SYT14: variants seen among roughly 807,000 people sequenced by gnomAD.
The protein encoded by SYT14 is synaptotagmin 14, also known as synaptotagmin-14.
SYT14 carries 32 observed loss-of-function variants against 74.2 expected under a neutral mutation model. The observed-to-expected ratio is 0.43, with a 90% CI of 0.33 to 0.58. The LOEUF (loss-of-function observed/expected upper bound fraction) is 0.58, where lower values mean the gene tolerates loss of function less well. SYT14 is among the 20% of genes least tolerant of loss of function. The pLI is 0.05. For missense variants in SYT14, 791 were observed against 981.8 expected (o/e 0.81, Z 2.60); for synonymous variants, 298 against 337.7 (o/e 0.88, Z 1.29).
intron 8 of SYT14, among the ~76,000 whole-genome samples, chr1:210,158,500 T>A (rs2083311748): frequency 6.6e-6 from 1 of 152,180 alleles, no homozygotes; most frequent in Admixed American, 6.6e-5. Flanking sequence ...AAAAATAGAA[T>A]GAAATGATAT....
Position 209,952,776 on chromosome 1 carries a change from G to A in SYT14, c.-486+20G>A, listed in dbSNP as rs1317822646. Reference sequence around the variant, plus strand: ...GAAAAGGTAAGTCATTGCTCTGCATGGCTATTTACATACTAAATGAATACT... The same window carrying A: ...GAAAAGGTAAGTCATTGCTCTGCATAGCTATTTACATACTAAATGAATACT... On this transcript the variant is annotated intron_variant, in intron 2 of 9. Coordinates refer to ENST00000637265, the Ensembl canonical transcript of SYT14. 1 of 1,595,352 alleles carries A rather than the reference G, an allele frequency of 6.3e-7. No homozygotes were observed. Among genetic ancestry groups the A allele is most frequent in the South Asian group, 1.1e-5 (1 of 90,664 alleles).
chr1:210,131,770 A>T (rs1454033631), intron 7 of SYT14, among the ~76,000 whole-genome samples: 1 of 152,116 alleles, frequency 6.6e-6, no homozygotes, highest in Non-Finnish European at 1.5e-5. Flanking sequence ...GTCTCTTTGA[A>T]TGTAGCCAGT....
intron 4 of SYT14, 119 bp from the exon 4 acceptor site, chr1:210,020,920 C>G (rs1049476062): frequency 6.4e-6 from 5 of 781,310 alleles, no homozygotes; most frequent in Admixed American, 2.2e-5. Flanking sequence ...TATATAACTT[C>G]AGCAAATTTT....
intron 5 of SYT14, among the ~76,000 whole-genome samples, chr1:210,059,239 T>G (rs2081155360): frequency 6.6e-6 from 1 of 151,868 alleles, no homozygotes; most frequent in Non-Finnish European, 1.5e-5. Flanking sequence ...AGAAATTCAC[T>G]ATCATACAAT....
At chr1:209,985,972 C>T (rs1455636261) in intron 2 of SYT14, among the ~76,000 whole-genome samples, 3 of 152,188 alleles carry the variant, frequency 2.0e-5, no homozygotes, top group African/African-American at 7.2e-5. Context: ...GCCCACAAAA[C>T]CATTCAGTTC....
chr1:209,944,817 T>G (rs1417880066), intron 1 of SYT14, among the ~76,000 whole-genome samples: 1 of 152,132 alleles, frequency 6.6e-6, no homozygotes, highest in African/African-American at 2.4e-5. Context: ...TATGAGAAAG[T>G]TAAACATTTA....
intron 2 of SYT14, among the ~76,000 whole-genome samples, chr1:209,986,667 T>C (rs1450891714): frequency 6.6e-6 from 1 of 152,136 alleles, no homozygotes; most frequent in East Asian, 1.9e-4. Flanking sequence ...TCTTTTTTTC[T>C]TTTTTGAGAC....
intron 5 of SYT14, among the ~76,000 whole-genome samples, chr1:210,022,485 T>G (rs1022048543): frequency 5.3e-5 from 8 of 152,220 alleles, no homozygotes; most frequent in African/African-American, 1.9e-4. Flanking sequence ...AGTCCCCAAG[T>G]TATGTACACC....
At chr1:210,121,917 T>TGATACATATCA (rs2082475394) in intron 7 of SYT14, among the ~76,000 whole-genome samples, 1 of 152,168 alleles carries the variant, frequency 6.6e-6, no homozygotes. Flanking sequence ...CATATTACAT[T>TGATACATATCA]GATACATATC....
At chr1:209,983,659 C>T (rs1470129169) in intron 2 of SYT14, among the ~76,000 whole-genome samples, 1 of 152,122 alleles carries the variant, frequency 6.6e-6, no homozygotes, top group Non-Finnish European at 1.5e-5. Flanking sequence ...ATTAATCTTA[C>T]TTAAGAAAGT....
At chr1:209,943,274 C>T (rs1014881306) in intron 1 of SYT14, among the ~76,000 whole-genome samples, 12 of 151,794 alleles carry the variant, frequency 7.9e-5, no homozygotes, top group African/African-American at 1.2e-4. Flanking sequence ...TAGGCCGAGG[C>T]GGGCAGATCA....
intron 7 of SYT14, among the ~76,000 whole-genome samples, chr1:210,135,220 G>A (rs2082759455): frequency 6.6e-6 from 1 of 152,088 alleles, no homozygotes; most frequent in African/African-American, 2.4e-5. Context: ...GGCCTCAAGT[G>A]ATCCACTGGC....
At chr1:209,996,009 G>T (rs1431740429) in intron 2 of SYT14, among the ~76,000 whole-genome samples, 1 of 152,026 alleles carries the variant, frequency 6.6e-6, no homozygotes, top group African/African-American at 2.4e-5. Context: ...AGCCCTAAAT[G>T]CCTTCATCAA....
At chr1:210,126,656 G>C (rs576557598) in intron 7 of SYT14, among the ~76,000 whole-genome samples, 2 of 152,152 alleles carry the variant, frequency 1.3e-5, no homozygotes, top group Non-Finnish European at 2.9e-5. Flanking sequence ...AAAATACAAC[G>C]TAAAGTAGAT....
intron 1 of SYT14, among the ~76,000 whole-genome samples, chr1:209,942,419 C>T (rs2078750498): frequency 1.5e-5 from 2 of 134,830 alleles, no homozygotes; most frequent in South Asian, 4.9e-4. Flanking sequence ...TTTAAGTAAC[C>T]AGGAATCTGA....
intron 2 of SYT14, among the ~76,000 whole-genome samples, chr1:209,973,733 G>C (rs1226251350): frequency 6.6e-6 from 1 of 152,120 alleles, no homozygotes; most frequent in Non-Finnish European, 1.5e-5. Flanking sequence ...CCCAGTAATG[G>C]GATGGCTGGG....
At position 210,149,180 on chromosome 1, in the gene SYT14, A is replaced by ATT. The variant is rs34134939; in HGVS notation, c.2035-6520_2035-6519dup. 7.2e-3 allele frequency among the ~76,000 whole-genome samples: 776 copies of ATT among 108,476 alleles called. 22 individuals are homozygous for ATT. The highest frequency in any genetic ancestry group is 0.027 in the East Asian group (101 of 3,770). The allele number at this position is 108,476 out of a possible 152,430, so 71.2% of individuals were successfully genotyped here. On this transcript the variant is annotated intron_variant, in intron 7 of 9. Transcript: ENST00000637265. ...TACATAAATTTTGATTATAGCAGGAATTTTTTTTTTTTTTTTTTTTTTGAG... is the reference window on the plus strand; with the variant it reads ...TACATAAATTTTGATTATAGCAGGAATTTTTTTTTTTTTTTTTTTTTTTTGAG...
intron 2 of SYT14, 140 bp from the exon 3 acceptor site, chr1:210,013,493 A>G (rs1404351315): frequency 4.9e-6 from 4 of 820,746 alleles, no homozygotes; most frequent in African/African-American, 3.5e-5. Flanking sequence ...TTTCTTATAA[A>G]CGAAACTGTT....
chr1:210,166,810 T>G (rs752230063), exon 10 of SYT14: 13 of 152,288 alleles, frequency 8.5e-5, no homozygotes, highest in Non-Finnish European at 1.3e-4. Flanking sequence ...TATTACATAG[T>G]AGTATTCATG....
Sources: allele counts gnomAD v4.1 joint callset (sites outside exome capture counted in the v4.1 genomes callset), GRCh38; gene constraint gnomAD v4.1.1; transcripts MANE v1.5; gene names NCBI Gene and HGNC (gene_info 2026-07-23, HGNC 2026-07-21).